Variants in CNTNAP3 observed in about 807,000 individuals in gnomAD.
CNTNAP3 encodes contactin-associated protein-like 3.
In CNTNAP3, 36 loss-of-function variants were observed where a neutral mutation model predicts 92.1. The ratio of observed to expected loss-of-function variants is 0.39; its 90% CI spans 0.30 to 0.52. The LOEUF is 0.52. Among genes scored for constraint, CNTNAP3 ranks in the 20% least tolerant of loss-of-function variants. CNTNAP3 has a pLI of 0.76. For missense variants in CNTNAP3, 534 were observed against 1,069.6 expected, an observed-to-expected ratio of 0.50 and a Z score of 6.98; for synonymous variants, 232 against 422.3, an observed-to-expected ratio of 0.55 and a Z score of 5.53.
chr9:39,085,749 C>T lies in CNTNAP3; in HGVS notation c.3429G>A (p.Leu1143=). ...TCTCCTACTTACCTAAAACCTTTCC[C>T]AATATGAGAGATTTGACGGCGTTGA... ...TEFNAVKSLI[L]GKVLEAAGAD... is the part of the protein sequence containing the mutation. The change falls in exon 21 of 24, where the codon TTG becomes TTA. Residue 1143 remains leucine (L), a synonymous_variant. Transcript: ENST00000297668. The T allele has an allele frequency of 1.9e-6, 3 of 1,553,822 alleles. No homozygotes were observed. Among genetic ancestry groups the T allele is most frequent in the Non-Finnish European group, 2.6e-6 (3 of 1,141,042 alleles).
chr9:39,133,306 T>A (rs1821349444), intron 12 of CNTNAP3, among the ~76,000 whole-genome samples, 171 bp from the exon 13 acceptor site: 1 of 152,182 alleles, frequency 6.6e-6, no homozygotes, highest in South Asian at 2.1e-4. Context: ...GAGCCAGAAC[T>A]CAGCCTCTAA....
chr9:39,132,975 CCG>C lies in CNTNAP3; in HGVS notation c.2035_2036del (p.Arg679AlafsTer28), dbSNP rs1821334649. On this transcript the variant is annotated frameshift_variant, in exon 13 of 24. Coordinates refer to ENST00000297668, the MANE Select transcript of CNTNAP3 (RefSeq NM_033655.5). LOFTEE classifies it high-confidence loss of function. The part of the protein sequence containing the change: ...AVNLAERCEQ[R>X]LALRCGTARR... ...GCGCCGTCCCGCAGCGCAGAGCCAG[CCG>C]CTGCTCGCAGCGCTCCGCCAGGTTC... is the stretch of plus-strand genomic sequence containing the variant. 1 of 1,545,156 alleles carries C rather than the reference CCG, an allele frequency of 6.5e-7. No homozygotes were observed. Among genetic ancestry groups the C allele is most frequent in the South Asian group, 1.2e-5 (1 of 85,120 alleles).
Position 39,100,088 on chromosome 9 carries a change from C to A in CNTNAP3, c.2818G>T (p.Val940Leu), listed in dbSNP as rs1166441805. 11 of 1,582,034 alleles carry A rather than the reference C, an allele frequency of 7.0e-6. No homozygotes were observed. The highest frequency in any genetic ancestry group is 3.6e-5 in the Admixed American group (2 of 54,942). The change falls in exon 18 of 24, where the codon GTG becomes TTG. Residue 940 changes from valine to leucine, a missense_variant. Coordinates refer to ENST00000297668, the MANE Select transcript of CNTNAP3 (RefSeq NM_033655.5). ...GCIRSLQLNG[V>L]ALDLEERATV... ...GCTCTTTCTTCCAGATCCAGGGCCA[C>A]CCCGTTCAACTGCAGAGACCGAATG... is the stretch of plus-strand genomic sequence containing the variant.
At chr9:39,079,024 G>A (rs965945599) in intron 21 of CNTNAP3, 104 bp from the exon 22 acceptor site, 62 of 1,485,258 alleles carry the variant, frequency 4.2e-5, no homozygotes, top group Non-Finnish European at 5.3e-5. Context: ...TTCACTCCAG[G>A]AGAGGTCCCT....
At chr9:39,084,162 T>C (rs1432887256) in intron 21 of CNTNAP3, among the ~76,000 whole-genome samples, 3 of 151,986 alleles carry the variant, frequency 2.0e-5, no homozygotes, top group Non-Finnish European at 4.4e-5. Context: ...TTCTCAGTGC[T>C]TAATAAACTG....
intron 18 of CNTNAP3, among the ~76,000 whole-genome samples, chr9:39,094,396 G>A (rs1239413237): frequency 2.6e-5 from 4 of 151,462 alleles, no homozygotes; most frequent in African/African-American, 9.7e-5. Context: ...TATTGTTGTT[G>A]TTGCCCGTGC....
chr9:39,091,490 T>C (rs1231111394), intron 18 of CNTNAP3, among the ~76,000 whole-genome samples: 2 of 152,104 alleles, frequency 1.3e-5, no homozygotes, highest in African/African-American at 2.4e-5. Flanking sequence ...AGATATAGTA[T>C]ATTATATTAA....
intron 13 of CNTNAP3, 151 bp downstream of exon 13, chr9:39,132,781 C>A (rs1021791720): frequency 3.3e-5 from 32 of 967,334 alleles, no homozygotes; most frequent in Non-Finnish European, 4.3e-5. Context: ...TTGGTCCAAC[C>A]AAGAGCGGGA....
At chr9:39,135,235 A>G (rs1412758576) in intron 12 of CNTNAP3, among the ~76,000 whole-genome samples, 1 of 152,138 alleles carries the variant, frequency 6.6e-6, no homozygotes, top group African/African-American at 2.4e-5. Flanking sequence ...GGAACTGGAA[A>G]GGATCTTAAA....
intron 23 of CNTNAP3, among the ~76,000 whole-genome samples, chr9:39,077,535 C>A (rs1322359279): frequency 1.3e-5 from 2 of 151,274 alleles, no homozygotes; most frequent in African/African-American, 4.9e-5. Flanking sequence ...CCAGCCTGGG[C>A]GACACAGCGA....
chr9:39,226,951 T>TACAC lies in CNTNAP3; in HGVS notation c.390+12041_390+12042insGTGT, dbSNP rs754907966. ...GTATGTATATGTGTGTATATATATATACCATATTTTCTTTATTCAATCCAC... is the reference window on the plus strand; with the variant it reads ...GTATGTATATGTGTGTATATATATATACACACCATATTTTCTTTATTCAATCCAC... On this transcript the variant is annotated intron_variant, in intron 3 of 23. Coordinates refer to ENST00000297668, the MANE Select transcript of CNTNAP3 (RefSeq NM_033655.5). Among the ~76,000 whole-genome samples, 6 of 13,206 alleles carry TACAC rather than the reference T, an allele frequency of 4.5e-4. 2 individuals carry two copies. The highest frequency in any genetic ancestry group is 2.5e-3 in the Non-Finnish European group (3 of 1,220). The allele number at this position is 13,206 out of a possible 152,430, so 8.7% of individuals were successfully genotyped here.
At chr9:39,133,269 G>T in intron 12 of CNTNAP3, 134 bp from the exon 13 acceptor site, 1 of 1,191,800 alleles carries the variant, frequency 8.4e-7, no homozygotes, top group Non-Finnish European at 1.2e-6. Flanking sequence ...CGCGATTTGA[G>T]GAGTTGGACC....
At chr9:39,104,471 T>TACACACACACAC (rs1233368382) in intron 15 of CNTNAP3, among the ~76,000 whole-genome samples, 16 of 71,890 alleles carry the variant, frequency 2.2e-4, no homozygotes, top group South Asian at 8.6e-4. Flanking sequence ...TTCCTGCACA[T>TACACACACACAC]ACACATACAC....
At chr9:39,110,922 T>G (rs1826731697) in intron 14 of CNTNAP3, among the ~76,000 whole-genome samples, 1 of 152,202 alleles carries the variant, frequency 6.6e-6, no homozygotes, top group Non-Finnish European at 1.5e-5. Context: ...AATACTGTAT[T>G]TTTTAAATTG....
intron 13 of CNTNAP3, among the ~76,000 whole-genome samples, chr9:39,131,479 C>CT (rs1477086137): frequency 1.3e-5 from 2 of 151,732 alleles, no homozygotes; most frequent in Admixed American, 6.6e-5. Context: ...AGGGATCACC[C>CT]TGGGAAGGGA....
chr9:39,134,975 G>A (rs1821395639), intron 12 of CNTNAP3, among the ~76,000 whole-genome samples: 1 of 152,160 alleles, frequency 6.6e-6, no homozygotes, highest in African/African-American at 2.4e-5. Flanking sequence ...AGTCACCCAT[G>A]GTTAAGATGT....
chr9:39,068,829 G>A lies in CNTNAP3; in HGVS notation c.*5061C>T, dbSNP rs569088306. On this transcript the variant is annotated 3_prime_UTR_variant, in exon 24 of 24. Coordinates refer to ENST00000297668, the MANE Select transcript of CNTNAP3 (RefSeq NM_033655.5). ...GGGATACTCACAGCACACATCTTAT[G>A]TTTCCTGTCTTTCAGGGATTACATT... Among the ~76,000 whole-genome samples, 1 of 152,428 alleles carries A rather than the reference G, an allele frequency of 6.6e-6. No homozygotes were observed. Among genetic ancestry groups the A allele is most frequent in the South Asian group, 2.1e-4 (1 of 4,834 alleles).
At chr9:39,130,196 C>T (rs1821244454) in intron 13 of CNTNAP3, among the ~76,000 whole-genome samples, 1 of 152,098 alleles carries the variant, frequency 6.6e-6, no homozygotes, top group African/African-American at 2.4e-5. Flanking sequence ...ACACAATGTT[C>T]ATAAAAGCTT....
At chr9:39,118,347 G>C (rs988727989) in intron 13 of CNTNAP3, 88 bp from the exon 14 acceptor site, 1 of 1,557,506 alleles carries the variant, frequency 6.4e-7, no homozygotes, top group Admixed American at 2.0e-5. Context: ...CAGGTGTAAA[G>C]TGTATGTGTG....
Sources: gnomAD v4.1 joint callset for allele counts (sites outside exome capture counted in the v4.1 genomes callset) on GRCh38, gnomAD v4.1.1 for gene constraint, MANE v1.5 for transcripts, NCBI Gene and HGNC (gene_info 2026-07-23, HGNC 2026-07-21) for gene names.